TMED7: variants seen among roughly 807,000 people sequenced by gnomAD.
TMED7 encodes transmembrane p24 trafficking protein 7.
Under a neutral mutation model 23.4 loss-of-function variants are expected in TMED7, and 8 were observed. That is an observed-to-expected ratio of 0.34 (90% CI 0.20 to 0.62). The LOEUF is 0.62. TMED7 is among the 20% of genes least tolerant of loss of function. The probability of loss-of-function intolerance (pLI) is 0.77; values close to 1 mark genes in which losing one functional copy is unlikely to be tolerated. For synonymous variants in TMED7, 121 were observed against 108.5 expected (o/e 1.12, Z -0.72); for missense variants, 232 against 279.1 (o/e 0.83, Z 1.20).
rs567738902 is a variant in TMED7, at chr5:115,623,744, G to A, written c.192+1857C>T. 2.0e-5 allele frequency among the ~76,000 whole-genome samples: 3 copies of A among 152,178 alleles called. No individual in the cohort carries two copies. The South Asian group carries it at 6.2e-4, about 31-fold the overall frequency. On this transcript the variant is annotated intron_variant, in intron 1 of 2. Coordinates refer to ENST00000456936, the MANE Select transcript of TMED7 (RefSeq NM_181836.6). ...TCTTGCAGACTCACCTCTAACATCA[G>A]CTCCTCAGCTAAATGTCCCCTGATG...
rs983465860 is a variant in TMED7, at chr5:115,615,851, T to C, written c.*358A>G. 1 of 253,748 alleles carries C rather than the reference T, an allele frequency of 3.9e-6. No homozygotes were observed. Among genetic ancestry groups the C allele is most frequent in the Admixed American group, 5.1e-5 (1 of 19,690 alleles). 15.7% of individuals were successfully genotyped at this position (253,748 alleles called of 1,614,324 possible). A position where few individuals can be genotyped will look rare whatever the true frequency, so the allele number is the denominator to read the frequency against. ...CTCCCTAACACATGTAGACATTAAA[T>C]CTAAAGTTTTTAAAATATCAACTAC... On this transcript the variant is annotated 3_prime_UTR_variant, in exon 3 of 3. Transcript: ENST00000456936.
rs981199320 is a variant in TMED7 at position 115,615,980 on chromosome 5, T to C, written c.*229A>G. ...CTGCGAACAGAGTAGATCATTGGTG[T>C]TGAATATTTAACATGAATAGCCCAA... On this transcript the variant is annotated 3_prime_UTR_variant, in exon 3 of 3. Coordinates refer to ENST00000456936, the MANE Select transcript of TMED7 (RefSeq NM_181836.6). 5.4e-6 allele frequency: 3 copies of C among 560,546 alleles called. No homozygotes were observed. Among genetic ancestry groups the C allele is most frequent in the African/African-American group, 3.8e-5 (2 of 53,166 alleles). 34.7% of individuals were successfully genotyped at this position (560,546 alleles called of 1,614,324 possible). A position where few individuals can be genotyped will look rare whatever the true frequency, so the allele number is the denominator to read the frequency against.
In TMED7 at chr5:115,625,788, G is replaced by T; in HGVS notation, c.5C>A (p.Pro2Gln). The change falls in exon 1 of 3, where the codon CCG becomes CAG. Residue 2 changes from proline (P) to glutamine (Q), a missense_variant. Physicochemically the swap from Pro to Gln is moderately conservative, Grantham distance 76 (BLOSUM62 -1). Coordinates refer to ENST00000456936, the MANE Select transcript of TMED7 (RefSeq NM_181836.6). ...CCAGCGCTGCGCGGACCCCGGCCGC[G>T]GCATCCCGAGAAGGCGGCGGCGGCC... M[P>Q]RPGSAQRWAA... is the part of the protein sequence containing the mutation. 1 of 1,429,682 alleles carries T rather than the reference G, an allele frequency of 7.0e-7. No homozygotes were observed. The highest frequency in any genetic ancestry group is 9.1e-7 in the Non-Finnish European group (1 of 1,096,002). The allele number at this position is 1,429,682 out of a possible 1,614,324, so 88.6% of individuals were successfully genotyped here. A position where few individuals can be genotyped will look rare whatever the true frequency, so the allele number is the denominator to read the frequency against.
At chr5:115,625,332 G>A (rs1757163110) in intron 1 of TMED7, among the ~76,000 whole-genome samples, 1 of 152,192 alleles carries the variant, frequency 6.6e-6, no homozygotes, top group Non-Finnish European at 1.5e-5. Context: ...ATCTTTTAAG[G>A]AAGAAAGTTC....
chr5:115,620,352 C>CT (rs1756983362), intron 2 of TMED7, 83 bp downstream of exon 2: 1 of 1,346,582 alleles, frequency 7.4e-7, no homozygotes, highest in Non-Finnish European at 9.6e-7. Flanking sequence ...ATTCCATGCT[C>CT]ATCAGTTAGT....
At chr5:115,619,419 G>C (rs1756935814) in intron 2 of TMED7, among the ~76,000 whole-genome samples, 2 of 152,142 alleles carry the variant, frequency 1.3e-5, no homozygotes, top group South Asian at 2.1e-4. Context: ...TAAAATACCA[G>C]TTTAAGATGT....
At chr5:115,625,576 C>T in intron 1 of TMED7, 25 bp downstream of exon 1, 1 of 1,527,248 alleles carries the variant, frequency 6.5e-7, no homozygotes, top group Non-Finnish European at 8.8e-7. Flanking sequence ...GAGTTGGGGC[C>T]CAGGGACTGC....
rs759745882 is a variant in TMED7 at position 115,625,638 on chromosome 5, T to C, written c.155A>G (p.Asp52Gly). 7 of 1,600,178 alleles carry C rather than the reference T, an allele frequency of 4.4e-6. No homozygotes were observed. Among genetic ancestry groups the C allele is most frequent in the South Asian group, 1.1e-5 (1 of 89,058 alleles). ...PDNAKQCFYE[D>G]IAQGTKCTLE... ...GGTGCACTTGGTGCCCTGAGCGATGTCCTCGTAGAAGCACTGCTTGGCGTT... is the reference window on the plus strand; with the variant it reads ...GGTGCACTTGGTGCCCTGAGCGATGCCCTCGTAGAAGCACTGCTTGGCGTT... Residue 52 changes from aspartate (D) to glycine (G), a missense_variant, in exon 1 of 3, where the codon GAC becomes GGC. Around this residue, in one of 2 missense-constraint regions of TMED7, gnomAD observed 106 missense variants for 97.0 expected, o/e 1.09. Transcript: ENST00000456936.
In TMED7 at chr5:115,614,815, T is replaced by C. The variant is rs1756632600; in HGVS notation, c.*1394A>G. On this transcript the variant is annotated 3_prime_UTR_variant, in exon 3 of 3. Transcript: ENST00000456936. ...GTGACTAGGATGGCTATCCAATCAG[T>C]ATTCTATGGTATCACATACCAAAGT... The C allele has an allele frequency of 6.6e-6, 1 of 152,036 alleles. No homozygotes were observed. Among genetic ancestry groups the C allele is most frequent in the Non-Finnish European group, 1.5e-5 (1 of 67,966 alleles). The allele number at this position is 152,036 out of a possible 1,614,324, so 9.4% of individuals were successfully genotyped here. A position where few individuals can be genotyped will look rare whatever the true frequency, so the allele number is the denominator to read the frequency against.
In TMED7 at chr5:115,621,047, G is replaced by T. The variant is rs192266851; in HGVS notation, c.193-367C>A. ...AAGACTGTTCATCTAAATTAAGTGG[G>T]AAAGGCAGAACTTGAACTCCAAAGT... is the stretch of plus-strand genomic sequence containing the variant. On this transcript the variant is annotated intron_variant, in intron 1 of 2. Coordinates refer to ENST00000456936, the MANE Select transcript of TMED7 (RefSeq NM_181836.6). Among the ~76,000 whole-genome samples, 398 of 152,236 alleles carry T rather than the reference G, an allele frequency of 2.6e-3. 3 individuals are homozygous for T. Among genetic ancestry groups the T allele is most frequent in the Middle Eastern group, 6.8e-3 (2 of 294 alleles).
chr5:115,616,360 C>T lies in TMED7; in HGVS notation c.524G>A (p.Gly175Asp). Residue 175 changes from glycine (G) to aspartate (D), a missense_variant, in exon 3 of 3, where the codon GGC (glycine) becomes GAC (aspartate). Around this residue, in one of 2 missense-constraint regions of TMED7, gnomAD observed 126 missense variants for 182.1 expected, o/e 0.69. Coordinates refer to ENST00000456936, the MANE Select transcript of TMED7 (RefSeq NM_181836.6). ...ATTTAGATCCTCTGCTCGGCTTCGGCCTTGAGCTTCTCTTAAACGGAAATG... is the reference window on the plus strand; with the variant it reads ...ATTTAGATCCTCTGCTCGGCTTCGGTCTTGAGCTTCTCTTAAACGGAAATG... The part of the protein sequence containing the change: ...QTHFRLREAQ[G>D]RSRAEDLNTR... 2 of 1,614,168 alleles carry T rather than the reference C, an allele frequency of 1.2e-6. No individual in the cohort carries two copies. The highest frequency in any genetic ancestry group is 1.7e-6 in the Non-Finnish European group (2 of 1,179,988).
rs1023708814 is a variant in TMED7, at chr5:115,614,939, A to C, written c.*1270T>G. On this transcript the variant is annotated 3_prime_UTR_variant, in exon 3 of 3. Coordinates refer to ENST00000456936, the MANE Select transcript of TMED7 (RefSeq NM_181836.6). ...GCAGTTGCAATTAAAAAAAAAAAAA[A>C]CAGCAGAAAAGCTTTAAATATCTAT... 3 of 151,742 alleles carry C rather than the reference A, an allele frequency of 2.0e-5. No individual in the cohort carries two copies. The highest frequency in any genetic ancestry group is 4.4e-5 in the Non-Finnish European group (3 of 67,904). The allele number at this position is 151,742 out of a possible 1,614,324, so 9.4% of individuals were successfully genotyped here.
chr5:115,616,523 T>C, intron 2 of TMED7, 78 bp from the exon 3 acceptor site: 1 of 1,587,322 alleles, frequency 6.3e-7, no homozygotes, highest in Non-Finnish European at 8.6e-7. Context: ...TTTCTTTCAA[T>C]TTGATCTCAA....
intron 2 of TMED7, chr5:115,619,972 T>G (rs1052082265): frequency 1.3e-5 from 2 of 152,364 alleles, no homozygotes; most frequent in Middle Eastern, 3.2e-3. Context: ...ACAGCACAAG[T>G]TACTGTTACA....
chr5:115,615,084 T>G lies in TMED7; in HGVS notation c.*1125A>C, dbSNP rs552257098. 1 of 152,284 alleles carries G rather than the reference T, an allele frequency of 6.6e-6. No individual in the cohort carries two copies. The highest frequency in any genetic ancestry group is 6.5e-5 in the Admixed American group (1 of 15,290). 9.4% of individuals were successfully genotyped at this position (152,284 alleles called of 1,614,324 possible). A position where few individuals can be genotyped will look rare whatever the true frequency, so the allele number is the denominator to read the frequency against. On this transcript the variant is annotated 3_prime_UTR_variant, in exon 3 of 3. Coordinates refer to ENST00000456936, the MANE Select transcript of TMED7 (RefSeq NM_181836.6). Reference sequence around the variant, plus strand: ...AATGTAAACCCTATAGTCTACAGAATATGCACTATTTAATACTCATTAACT... The same window carrying G: ...AATGTAAACCCTATAGTCTACAGAAGATGCACTATTTAATACTCATTAACT...
chr5:115,624,069 T>G (rs1468706513), intron 1 of TMED7, among the ~76,000 whole-genome samples: 1 of 152,214 alleles, frequency 6.6e-6, no homozygotes, highest in Non-Finnish European at 1.5e-5. Flanking sequence ...CTTAACATAC[T>G]GTCTACACAT....
intron 2 of TMED7, among the ~76,000 whole-genome samples, chr5:115,617,573 G>A (rs1274281628): frequency 6.9e-6 from 1 of 145,626 alleles, no homozygotes; most frequent in Non-Finnish European, 1.5e-5. Flanking sequence ...TTTGTGATGA[G>A]GAGCTAGAGA....
At position 115,625,875 on chromosome 5, in the gene TMED7, A is replaced by T. The variant is rs1470000247; in HGVS notation, c.-83T>A. On this transcript the variant is annotated 5_prime_UTR_variant, in exon 1 of 3. Transcript: ENST00000456936. ...GGACTCACCGCGCGCGGCAGGCCTC[A>T]GCGCAGGCCACCCCGCAAAGATACA... 1 of 1,322,422 alleles carries T rather than the reference A, an allele frequency of 7.6e-7. No individual in the cohort carries two copies. Among genetic ancestry groups the T allele is most frequent in the East Asian group, 3.1e-5 (1 of 31,784 alleles). The allele number at this position is 1,322,422 out of a possible 1,614,324, so 81.9% of individuals were successfully genotyped here.
chr5:115,621,977 AAAT>A (rs1474974089), intron 1 of TMED7, among the ~76,000 whole-genome samples: 10 of 152,214 alleles, frequency 6.6e-5, no homozygotes, highest in Non-Finnish European at 1.0e-4. Flanking sequence ...AATCTAATGA[AAAT>A]AATTATGCAC....
Sources: gnomAD v4.1 joint callset for allele counts (sites outside exome capture counted in the v4.1 genomes callset) on GRCh38, gnomAD v4.1.1 for gene constraint, gnomAD v4.1.1 regional missense constraint, MANE v1.5 for transcripts, NCBI Gene and HGNC (gene_info 2026-07-23, HGNC 2026-07-21) for gene names.